Variants in NEB observed in about 807,000 individuals in gnomAD.
NEB encodes the protein nebulin, also known as nemaline myopathy type 2.
NEB carries 512 observed loss-of-function variants against 952.2 expected under a neutral mutation model. The ratio of observed to expected loss-of-function variants is 0.54; its 90% CI spans 0.50 to 0.58. The LOEUF is 0.58. Ranked by LOEUF, NEB falls within the 20% of genes least tolerant of loss-of-function variation. NEB has a pLI of 0.00. For synonymous variants in NEB, 2,900 were observed against 3,149.8 expected, an observed-to-expected ratio of 0.92 and a Z score of 2.66; for missense variants, 8,428 against 9,231.1, an observed-to-expected ratio of 0.91 and a Z score of 3.56.
At position 151,663,767 on chromosome 2, in the gene NEB, T is replaced by G; in HGVS notation, c.5544A>C (p.Gln1848His). 5 of 1,613,852 alleles carry G rather than the reference T, an allele frequency of 3.1e-6. No individual in the cohort carries two copies. The highest frequency in any genetic ancestry group is 4.2e-6 in the Non-Finnish European group (5 of 1,179,778). Reference protein sequence around the residue: ...EDDPKLVHFMQVAKMQSDREY... With the variant: ...EDDPKLVHFMHVAKMQSDREY... Reference sequence around the variant, plus strand: ...CCCGGTCTGACTGCATCTTGGCCACTTGCATGAAGTGCACCAGCTTGGGGT... The same window carrying G: ...CCCGGTCTGACTGCATCTTGGCCACGTGCATGAAGTGCACCAGCTTGGGGT... The change falls in exon 45 of 182, where the codon CAA (glutamine) becomes CAC (histidine). Residue 1848 changes from glutamine (Q) to histidine (H), a missense_variant. This residue lies in a region of NEB where 2,851 missense variants were observed against 2,791.5 expected (regional missense o/e 1.02). Coordinates refer to ENST00000397345, the MANE Select transcript of NEB (RefSeq NM_001164508.2).
At chr2:151,697,311 A>G (rs1237910818) in intron 15 of NEB, 39 bp downstream of exon 15, 2 of 1,610,428 alleles carry the variant, frequency 1.2e-6, no homozygotes, top group Non-Finnish European at 8.5e-7. Context: ...CCTGAGAAAA[A>G]TGTTATTTGG....
At chr2:151,675,194 C>A (rs896153802) in intron 35 of NEB, 93 bp downstream of exon 35, 17 of 874,686 alleles carry the variant, frequency 1.9e-5, no homozygotes, top group Non-Finnish European at 3.2e-5. Flanking sequence ...GAGAAATGGG[C>A]CTAAATAAAT....
At chr2:151,665,195 G>T in intron 42 of NEB, 138 bp downstream of exon 42, 1 of 752,800 alleles carries the variant, frequency 1.3e-6, no homozygotes, top group Non-Finnish European at 2.2e-6. Context: ...CATAATGGAA[G>T]CAATAGAGTC....
intron 24 of NEB, 62 bp from the exon 25 acceptor site, chr2:151,688,458 A>G: frequency 3.1e-6 from 4 of 1,274,958 alleles, no homozygotes; most frequent in Non-Finnish European, 4.5e-6. Context: ...TTAGGGCAGC[A>G]TATATAGCTA....
At chr2:151,698,087 A>G (rs1032452071) in intron 13 of NEB, among the ~76,000 whole-genome samples, 1 of 152,128 alleles carries the variant, frequency 6.6e-6, no homozygotes, top group African/African-American at 2.4e-5. Flanking sequence ...AAACAAAACA[A>G]AACAAAACAA....
Position 151,563,927 on chromosome 2 carries a change from G to C in NEB, c.18475C>G (p.Leu6159Val). The C allele has an allele frequency of 6.2e-7, 1 of 1,601,180 alleles. No homozygotes were observed. Residue 6159 changes from leucine (L) to valine (V), a missense_variant, in exon 118 of 182, where the codon CTG (leucine) becomes GTG (valine). By Grantham distance (32) the Leu-to-Val change is conservative (BLOSUM62 1). Transcript: ENST00000397345. ...KDMGKLYSTI[L>V]YKGAWEGTKA... ...GTGCCCTCCCACGCCCCTTTATACA[G>C]TATCTAGAACAAAGAAATACATGGC...
intron 61 of NEB, 124 bp downstream of exon 61, chr2:151,640,231 G>A (rs1215720419): frequency 8.7e-5 from 129 of 1,489,364 alleles, no homozygotes; most frequent in Non-Finnish European, 1.1e-4. Flanking sequence ...AATTCCTGTC[G>A]ATAAAGGCAA....
chr2:151,610,338 A>G (rs2097902092), intron 80 of NEB, among the ~76,000 whole-genome samples, 178 bp downstream of exon 80: 1 of 152,226 alleles, frequency 6.6e-6, no homozygotes, highest in Non-Finnish European at 1.5e-5. Context: ...AGCAACTCTA[A>G]CTATAATGCC....
At chr2:151,650,482 A>G in intron 53 of NEB, 92 bp downstream of exon 53, 1 of 1,491,516 alleles carries the variant, frequency 6.7e-7, no homozygotes, top group Non-Finnish European at 9.1e-7. Flanking sequence ...ATTTTCAATA[A>G]TAATTCCTAA....
chr2:151,560,676 A>C lies in NEB; in HGVS notation c.19230T>G (p.Asp6410Glu). Reference sequence around the variant, plus strand: ...GGATGTAGCTGGTGGCTTTCACTCTATCCCAGGCCTCCTTGTACAGGTTCT... The same window carrying C: ...GGATGTAGCTGGTGGCTTTCACTCTCTCCCAGGCCTCCTTGTACAGGTTCT... Reference protein sequence around the residue: ...YSSNLYKEAWDRVKATSYILP... With the variant: ...YSSNLYKEAWERVKATSYILP... Residue 6410 changes from aspartate (D) to glutamate (E), a missense_variant, in exon 124 of 182, where the codon GAT (aspartate) becomes GAG (glutamate). This residue lies in a region of NEB where 3,374 missense variants were observed against 3,651.5 expected (regional missense o/e 0.92). Transcript: ENST00000397345. The C allele has an allele frequency of 6.2e-7, 1 of 1,611,748 alleles. No homozygotes were observed. The highest frequency in any genetic ancestry group is 1.3e-5 in the African/African-American group (1 of 74,984).
At chr2:151,520,872 A>C (rs1210132737) in intron 153 of NEB, among the ~76,000 whole-genome samples, 5 of 152,180 alleles carry the variant, frequency 3.3e-5, no homozygotes. Context: ...TCACAAAATA[A>C]ATAAGAGGAT....
In NEB at chr2:151,570,592, G is replaced by A. The variant is rs547231033; in HGVS notation, c.17023C>T (p.Arg5675Cys). ...GCCTTCATTTCATCCCAGCCCTCAC[G>A]GTAAAGTTTCTGAAAAGGAGAAAAA... ...NALNVSNKLYREGWDEMKAGC... is the reference protein window; with the variant it reads ...NALNVSNKLYCEGWDEMKAGC... Residue 5675 changes from arginine to cysteine, a missense_variant, in exon 108 of 182, where the codon CGT (arginine) becomes TGT (cysteine). Physicochemically the swap from Arg to Cys is radical, Grantham distance 180 (BLOSUM62 -3). Around this residue, in one of 11 missense-constraint regions of NEB, gnomAD observed 3,374 missense variants for 3,651.5 expected, o/e 0.92. Transcript: ENST00000397345. The A allele has an allele frequency of 2.2e-5, 35 of 1,593,398 alleles. No individual in the cohort carries two copies. The highest frequency in any genetic ancestry group is 2.0e-4 in the African/African-American group (15 of 74,382).
chr2:151,677,172 A>C (rs899331312), intron 34 of NEB, among the ~76,000 whole-genome samples: 1 of 152,246 alleles, frequency 6.6e-6, no homozygotes, highest in Non-Finnish European at 1.5e-5. Flanking sequence ...ATATGAAAAG[A>C]AAATATGAGA....
intron 10 of NEB, 97 bp downstream of exon 10, chr2:151,717,319 T>C (rs1379304251): frequency 1.2e-6 from 1 of 857,046 alleles, no homozygotes; most frequent in Non-Finnish European, 2.0e-6. Context: ...AGTGTTTGTG[T>C]TTTATCTTCA....
At chr2:151,510,535 T>A (rs992037520) in intron 161 of NEB, among the ~76,000 whole-genome samples, 1 of 152,224 alleles carries the variant, frequency 6.6e-6, no homozygotes, top group African/African-American at 2.4e-5. Context: ...CAGTTAACTG[T>A]AGTCAACCTC....
chr2:151,562,170 G>A lies in NEB; in HGVS notation c.18936C>T (p.Cys6312=). The A allele has an allele frequency of 6.2e-7, 1 of 1,613,620 alleles. No homozygotes were observed. The highest frequency in any genetic ancestry group is 1.1e-5 in the South Asian group (1 of 91,068). The part of the protein sequence containing the change: ...DDLNWLKGIG[C]YVWDTPQILH... ...GGATTTGGGGTGTATCCCAAACGTA[G>A]CAACCAATGCCTTTCAACCAATTCA... The change falls in exon 121 of 182, where the codon TGC becomes TGT. Residue 6312 remains cysteine (C), a synonymous_variant. Coordinates refer to ENST00000397345, the MANE Select transcript of NEB (RefSeq NM_001164508.2).
In NEB at chr2:151,614,364, T is replaced by A; in HGVS notation, c.11513A>T (p.Asp3838Val). The A allele has an allele frequency of 1.2e-6, 2 of 1,613,906 alleles. No homozygotes were observed. Among genetic ancestry groups the A allele is most frequent in the Non-Finnish European group, 1.7e-6 (2 of 1,179,844 alleles). The change falls in exon 77 of 182, where the codon GAC becomes GTC. Residue 3838 changes from aspartate to valine, a missense_variant. Asp to Val is a radical substitution (Grantham distance 152). This residue lies in a region of NEB where 1,772 missense variants were observed against 1,960.3 expected (regional missense o/e 0.90). Coordinates refer to ENST00000397345, the MANE Select transcript of NEB (RefSeq NM_001164508.2). ...KKCQILVSDI[D>V]YKHPLHEWTC... The stretch of plus-strand genomic sequence containing the variant: ...CCATTCATGCAGGGGATGCTTGTAG[T>A]CTATGTCGCTTACAAGGATCTGACA...
At chr2:151,663,264 ATTCCT>A (rs1190464480) in intron 45 of NEB, among the ~76,000 whole-genome samples, 1 of 152,146 alleles carries the variant, frequency 6.6e-6, no homozygotes, top group Admixed American at 6.5e-5. Flanking sequence ...TGCTAGACAT[ATTCCT>A]TTCAATACAC....
chr2:151,581,753 A>T (rs1357434432), intron 102 of NEB, among the ~76,000 whole-genome samples, 166 bp from the exon 103 acceptor site: 1 of 150,928 alleles, frequency 6.6e-6, no homozygotes, highest in Non-Finnish European at 1.5e-5. Context: ...TAAAATTTTT[A>T]AGTAAGATTA....
Sources: gnomAD v4.1 joint callset for allele counts (sites outside exome capture counted in the v4.1 genomes callset) on GRCh38, gnomAD v4.1.1 for gene constraint, gnomAD v4.1.1 regional missense constraint, MANE v1.5 for transcripts, NCBI Gene and HGNC (gene_info 2026-07-23, HGNC 2026-07-21) for gene names.